Variants in MAP4K1 observed in about 807,000 individuals in gnomAD.
MAP4K1 encodes MAPK/ERK kinase kinase kinase 1.
Under a neutral mutation model 122.8 loss-of-function variants are expected in MAP4K1, and 35 were observed. The observed-to-expected ratio is 0.29, with a 90% confidence interval of 0.22 to 0.38. MAP4K1 has a LOEUF of 0.38. Among genes scored for constraint, MAP4K1 ranks in the 10% least tolerant of loss-of-function variants. The probability of loss-of-function intolerance (pLI) is 1.00; values close to 1 mark genes in which losing one functional copy is unlikely to be tolerated. For missense variants in MAP4K1, 791 were observed against 1,072.6 expected (o/e 0.74, Z 3.67); for synonymous variants, 412 against 421.3 (o/e 0.98, Z 0.27).
At chr19:38,601,690 A>T in intron 19 of MAP4K1, 165 bp from the exon 20 acceptor site, 1 of 565,592 alleles carries the variant, frequency 1.8e-6, no homozygotes, top group East Asian at 3.5e-5. Context: ...TTTTTCATAC[A>T]TTGAGTTTTC....
At chr19:38,605,912 C>G (rs1975316448) in intron 17 of MAP4K1, among the ~76,000 whole-genome samples, 182 bp from the exon 18 acceptor site, 1 of 151,918 alleles carries the variant, frequency 6.6e-6, no homozygotes, top group East Asian at 1.9e-4. Flanking sequence ...CATCAACACA[C>G]TTCAGAAACT....
rs746376043 is a variant in MAP4K1, at chr19:38,611,232, C to A, written c.728+11G>T. On this transcript the variant is annotated intron_variant, in intron 10 of 30. Coordinates refer to ENST00000396857, the MANE Select transcript of MAP4K1 (RefSeq NM_001042600.3). ...CCCTCTCTCACCCTCCCTCCTGTTA[C>A]TCTCTCGTACCATTTGCCTTTTTCC... is the stretch of plus-strand genomic sequence containing the variant. 31 of 1,612,242 alleles carry A rather than the reference C, an allele frequency of 1.9e-5. No homozygotes were observed. Among genetic ancestry groups the A allele is most frequent in the Non-Finnish European group, 2.0e-5 (24 of 1,178,536 alleles).
At chr19:38,607,769 C>T (rs546408255) in intron 16 of MAP4K1, 95 bp downstream of exon 16, 2,090 of 1,321,860 alleles carry the variant, frequency 1.6e-3, no homozygotes, top group Non-Finnish European at 2.0e-3. Context: ...AGGGGTGCAG[C>T]GGGGTCAGGA....
chr19:38,588,045 C>T (rs777391181), intron 30 of MAP4K1, among the ~76,000 whole-genome samples: 12 of 151,728 alleles, frequency 7.9e-5, no homozygotes, highest in African/African-American at 1.5e-4. Context: ...GCAGGGAAAC[C>T]TAACCCAGGA....
chr19:38,617,699 T>G lies in MAP4K1; in HGVS notation c.100-74A>C. 1 of 1,605,370 alleles carries G rather than the reference T, an allele frequency of 6.2e-7. No individual in the cohort carries two copies. Among genetic ancestry groups the G allele is most frequent in the Non-Finnish European group, 8.5e-7 (1 of 1,172,094 alleles). ...CCTCCACAGCATCCCTGAGTCAAGG[T>G]CAAGAACTGGGACCCCCTCTTGCAG... On this transcript the variant is annotated intron_variant, in intron 1 of 30. Transcript: ENST00000396857. The surrounding 1 kb of genome is among the most constrained non-coding windows in gnomAD (Gnocchi z 4.1).
chr19:38,598,869 C>G (rs888413272), intron 22 of MAP4K1, among the ~76,000 whole-genome samples: 1 of 145,826 alleles, frequency 6.9e-6, no homozygotes, highest in Non-Finnish European at 1.5e-5. Context: ...AAAAATTAGC[C>G]GCGTGTGGTG....
chr19:38,617,435 ACAT>A lies in MAP4K1; in HGVS notation c.164_166del (p.Asp55del). The A allele has an allele frequency of 6.2e-7, 1 of 1,612,772 alleles. No homozygotes were observed. The highest frequency in any genetic ancestry group is 1.1e-5 in the South Asian group (1 of 91,048). Reference sequence around the variant, plus strand: ...GAGGATTTCCTTCTGAAGGGTGGAGACATCATCATCTGTGAGGAGGGCGGGAGA... The same window carrying A: ...GAGGATTTCCTTCTGAAGGGTGGAGACATCATCTGTGAGGAGGGCGGGAGA... On this transcript the variant is annotated inframe_deletion, in exon 3 of 31. Transcript: ENST00000396857. This position sits in a 1 kb window ranked among gnomAD's most constrained non-coding sequence, Gnocchi z 4.1.
intron 30 of MAP4K1, among the ~76,000 whole-genome samples, chr19:38,588,239 G>A (rs1426138772): frequency 6.6e-6 from 1 of 152,162 alleles, no homozygotes; most frequent in Non-Finnish European, 1.5e-5. Flanking sequence ...GGCCAGGATT[G>A]AGTCTTTATC....
At chr19:38,605,338 C>CCCCAA in intron 19 of MAP4K1, 71 bp downstream of exon 19, 2 of 1,119,078 alleles carry the variant, frequency 1.8e-6, no homozygotes, top group Non-Finnish European at 2.6e-6. Flanking sequence ...GTCCTGCCAC[C>CCCCAA]CCCTCCCCAC....
intron 20 of MAP4K1, among the ~76,000 whole-genome samples, 198 bp downstream of exon 20, chr19:38,601,243 C>G (rs938313541): frequency 2.0e-5 from 3 of 152,188 alleles, no homozygotes; most frequent in African/African-American, 7.2e-5. Context: ...GCCACCACAC[C>G]TGGCTGCCCT....
At chr19:38,611,441 C>T (rs1033789393) in intron 9 of MAP4K1, 136 bp from the exon 10 acceptor site, 2 of 673,582 alleles carry the variant, frequency 3.0e-6, no homozygotes, top group South Asian at 1.7e-5. Context: ...TCAGGTTTTA[C>T]AGTGCACCAG....
intron 4 of MAP4K1, 48 bp downstream of exon 4, chr19:38,616,147 G>A (rs1444132142): frequency 1.4e-5 from 20 of 1,468,106 alleles, no homozygotes; most frequent in Non-Finnish European, 1.8e-5. Flanking sequence ...CGGGGTTGGG[G>A]GGTGGGGATA....
intron 17 of MAP4K1, 149 bp downstream of exon 17, chr19:38,606,024 T>C: frequency 1.5e-6 from 1 of 685,134 alleles, no homozygotes; most frequent in Non-Finnish European, 2.5e-6. Flanking sequence ...GGTTGAGGGA[T>C]GCCACTTCCA....
Position 38,604,303 on chromosome 19 carries a change from A to G in MAP4K1, c.1446+1106T>C, listed in dbSNP as rs1019132865. ...CTGAATAAAGAGATGTTCTTTTTGT[A>G]CATCTCCATTTATGAGAGGTAAAAT... On this transcript the variant is annotated intron_variant, in intron 19 of 30. Transcript: ENST00000396857. 3.3e-5 allele frequency among the ~76,000 whole-genome samples: 5 copies of G among 152,250 alleles called. No individual in the cohort carries two copies. In the Middle Eastern group the frequency reaches 0.017, roughly 518 times the overall value.
In MAP4K1 at chr19:38,595,623, C is replaced by G; in HGVS notation, c.2269+17G>C. 1 of 1,614,042 alleles carries G rather than the reference C, an allele frequency of 6.2e-7. No homozygotes were observed. Among genetic ancestry groups the G allele is most frequent in the East Asian group, 2.2e-5 (1 of 44,876 alleles). ...GTTTCCACCCCTGATCCTGGGCTCT[C>G]CCGTCCCTGCACAGACCCACGGCCT... On this transcript the variant is annotated intron_variant, in intron 28 of 30. Transcript: ENST00000396857.
At chr19:38,611,182 A>G in intron 10 of MAP4K1, 50 bp from the exon 11 acceptor site, 1 of 1,600,326 alleles carries the variant, frequency 6.2e-7, no homozygotes, top group Non-Finnish European at 8.6e-7. Flanking sequence ...AAACCCTCCC[A>G]TCAGGCCACC....
At chr19:38,609,541 C>G in intron 13 of MAP4K1, 55 bp downstream of exon 13, 1 of 1,512,424 alleles carries the variant, frequency 6.6e-7, no homozygotes, top group Non-Finnish European at 9.1e-7. Context: ...GGAAGGTGGT[C>G]TCTTAGGTCT....
At chr19:38,610,990 C>G in intron 11 of MAP4K1, 61 bp downstream of exon 11, 1 of 1,411,098 alleles carries the variant, frequency 7.1e-7, no homozygotes, top group Non-Finnish European at 9.9e-7. Flanking sequence ...TCCATGTCCT[C>G]GGGAGTTGTG....
At position 38,597,040 on chromosome 19, in the gene MAP4K1, A is replaced by G; in HGVS notation, c.1935T>C (p.Leu645=). The G allele has an allele frequency of 1.2e-6, 2 of 1,614,062 alleles. No homozygotes were observed. The highest frequency in any genetic ancestry group is 1.7e-6 in the Non-Finnish European group (2 of 1,179,958). The part of the protein sequence containing the change: ...QWYQPMNKFL[L]VRQVLFPLPT... ...ACCCTCCCAAGCCCCTTACCCGGAC[A>G]AGCAGGAATTTGTTCATGGGCTGGT... Residue 645 remains leucine (L), a synonymous_variant, in exon 25 of 31, where the codon CTT becomes CTC. Transcript: ENST00000396857. This position sits in a 1 kb window ranked among gnomAD's most constrained non-coding sequence, Gnocchi z 4.6.
Sources: allele counts gnomAD v4.1 joint callset (sites outside exome capture counted in the v4.1 genomes callset), GRCh38; gene constraint gnomAD v4.1.1; non-coding constraint Gnocchi (gnomAD v3.1); transcripts MANE v1.5; gene names NCBI Gene and HGNC (gene_info 2026-07-23, HGNC 2026-07-21).